Variants in CCDC88A observed in about 807,000 individuals in gnomAD.
CCDC88A encodes coiled-coil and HOOK domain protein 88A.
CCDC88A carries 54 observed loss-of-function variants against 234.3 expected under a neutral mutation model. The ratio of observed to expected loss-of-function variants is 0.23; its 90% CI spans 0.19 to 0.29. The LOEUF is 0.29. Among genes scored for constraint, CCDC88A ranks in the 10% least tolerant of loss-of-function variants. The probability of loss-of-function intolerance (pLI) is 1.00; values close to 1 mark genes in which losing one functional copy is unlikely to be tolerated. For missense variants in CCDC88A, 1,832 were observed against 2,123.4 expected (o/e 0.86, Z 2.70); for synonymous variants, 753 against 737.8 (o/e 1.02, Z -0.33).
rs61703330 is a variant in CCDC88A at position 55,409,738 on chromosome 2, C to CTTTTTTTTTTTTTTTTT, written c.164+9061_164+9077dup. 5.4e-5 allele frequency among the ~76,000 whole-genome samples: 6 copies of CTTTTTTTTTTTTTTTTT among 111,730 alleles called. 2 individuals carry two copies. Among genetic ancestry groups the CTTTTTTTTTTTTTTTTT allele is most frequent in the Non-Finnish European group, 8.5e-5 (5 of 58,910 alleles). The allele number at this position is 111,730 out of a possible 152,430, so 73.3% of individuals were successfully genotyped here. On this transcript the variant is annotated intron_variant, in intron 2 of 32. Coordinates refer to ENST00000436346, the MANE Select transcript of CCDC88A (RefSeq NM_001365480.1). ...CAGGGGGATGTGCCTATATACCTCC[C>CTTTTTTTTTTTTTTTTT]TTTTTTTTTTTTTTTTTTTTTTCAG...
rs1469817612 is a variant in CCDC88A at position 55,413,058 on chromosome 2, A to T, written c.164+5758T>A. 2.0e-5 allele frequency among the ~76,000 whole-genome samples: 3 copies of T among 151,982 alleles called. No individual in the cohort carries two copies. The East Asian group carries it at 5.8e-4, about 29-fold the overall frequency. On this transcript the variant is annotated intron_variant, in intron 2 of 32. Transcript: ENST00000436346. Reference sequence around the variant, plus strand: ...GTCTCTATAAAAAAAATTTTAAAAAATTAGCCAGGTGCAGTAGCACATGCC... The same window carrying T: ...GTCTCTATAAAAAAAATTTTAAAAATTTAGCCAGGTGCAGTAGCACATGCC...
Position 55,378,734 on chromosome 2 carries a change from T to C in CCDC88A, c.274-3851A>G, listed in dbSNP as rs1044610162. 8.8e-5 allele frequency among the ~76,000 whole-genome samples: 11 copies of C among 125,690 alleles called. No individual in the cohort carries two copies. The East Asian group carries it at 1.1e-3, about 13-fold the overall frequency. The allele number at this position is 125,690 out of a possible 152,430, so 82.5% of individuals were successfully genotyped here. ...TTCTTCAGAGGATTTTTTATACACA[T>C]ATACTTTTTTTTTTTTTTTTTTTTT... On this transcript the variant is annotated intron_variant, in intron 3 of 32. Transcript: ENST00000436346.
At chr2:55,356,261 C>G (rs2589103) in intron 7 of CCDC88A, 70,503 of 152,070 alleles carry the variant, frequency 0.46, 17,689 homozygotes, top group East Asian at 0.85. Flanking sequence ...TTGCTTTTCT[C>G]TTCCTGCATT....
intron 22 of CCDC88A, chr2:55,314,613 C>G (rs1682755179): frequency 6.6e-6 from 1 of 152,218 alleles, no homozygotes; most frequent in African/African-American, 2.4e-5. Flanking sequence ...CCATGTTGGC[C>G]AGGTTGGTCT....
At chr2:55,398,097 T>G (rs1677932089) in intron 2 of CCDC88A, among the ~76,000 whole-genome samples, 1 of 152,294 alleles carries the variant, frequency 6.6e-6, no homozygotes, top group Admixed American at 6.5e-5. Flanking sequence ...ATCTTAAAGA[T>G]AGGTGAATGA....
chr2:55,291,901 T>C (rs547869291), intron 31 of CCDC88A, 126 bp from the exon 32 acceptor site: 6 of 605,996 alleles, frequency 9.9e-6, no homozygotes, highest in Admixed American at 3.1e-5. Context: ...GGGAAAATTA[T>C]TAATCTCATA....
chr2:55,407,874 T>C (rs932938767), intron 2 of CCDC88A, among the ~76,000 whole-genome samples: 1 of 147,956 alleles, frequency 6.8e-6, no homozygotes, highest in Non-Finnish European at 1.5e-5. Context: ...CCCACCACCA[T>C]GCCCAGCTAA....
At chr2:55,342,706 A>G (rs746686208) in intron 12 of CCDC88A, among the ~76,000 whole-genome samples, 16 of 152,180 alleles carry the variant, frequency 1.1e-4, no homozygotes, top group Non-Finnish European at 2.2e-4. Context: ...TAGGTTTTCA[A>G]GTATAAAACA....
chr2:55,291,514 C>T, intron 32 of CCDC88A, 162 bp downstream of exon 32: 3 of 398,574 alleles, frequency 7.5e-6, no homozygotes, highest in Non-Finnish European at 1.3e-5. Context: ...AAACCTATGG[C>T]AGCCAACTAA....
intron 6 of CCDC88A, chr2:55,363,517 A>G (rs139301649): frequency 1.3e-5 from 2 of 152,540 alleles, no homozygotes; most frequent in East Asian, 1.9e-4. Flanking sequence ...CAAATCATTA[A>G]TGTGTTTATA....
At position 55,334,050 on chromosome 2, in the gene CCDC88A, A is replaced by C; in HGVS notation, c.2727+44T>G. On this transcript the variant is annotated intron_variant, in intron 15 of 32. Transcript: ENST00000436346. This position sits in a 1 kb window ranked among gnomAD's most constrained non-coding sequence, Gnocchi z 6.1. ...AAAACTTAAAGAAACCTTGAGTTAA[A>C]AATATAAAAAAAAATTTGCCTTAAT... The C allele has an allele frequency of 1.4e-6, 1 of 716,524 alleles. No homozygotes were observed. Among genetic ancestry groups the C allele is most frequent in the Admixed American group, 3.7e-5 (1 of 27,256 alleles). 44.4% of individuals were successfully genotyped at this position (716,524 alleles called of 1,614,324 possible).
In CCDC88A at chr2:55,332,799, G is replaced by T; in HGVS notation, c.2728-106C>A. The stretch of plus-strand genomic sequence containing the variant: ...CACCATCTAGGAATACATGTAATTT[G>T]AACCAGGAAATGTCATTAAACCATT... On this transcript the variant is annotated intron_variant, in intron 15 of 32. Transcript: ENST00000436346. The surrounding 1 kb of genome is among the most constrained non-coding windows in gnomAD (Gnocchi z 4.5). 2 of 939,996 alleles carry T rather than the reference G, an allele frequency of 2.1e-6. No homozygotes were observed. Among genetic ancestry groups the T allele is most frequent in the Non-Finnish European group, 3.2e-6 (2 of 619,604 alleles). The allele number at this position is 939,996 out of a possible 1,614,324, so 58.2% of individuals were successfully genotyped here. A position where few individuals can be genotyped will look rare whatever the true frequency, so the allele number is the denominator to read the frequency against.
intron 25 of CCDC88A, chr2:55,306,114 A>G (rs972995553): frequency 6.6e-6 from 1 of 152,052 alleles, no homozygotes; most frequent in African/African-American, 2.4e-5. Flanking sequence ...ACAGGGTTTC[A>G]CCATGTTGGC....
intron 5 of CCDC88A, among the ~76,000 whole-genome samples, chr2:55,366,534 T>TAC (rs201666406): frequency 0.081 from 10,346 of 127,506 alleles, 374 homozygotes; most frequent in Non-Finnish European, 0.096. Flanking sequence ...CACACACACA[T>TAC]ACACACACAC....
Position 55,290,268 on chromosome 2 carries a change from G to A in CCDC88A, c.*932C>T, listed in dbSNP as rs750530297. ...ATTATAAATGAGTTTCTGGCAAAAT[G>A]CAGATCATAGTAACTTATTTACATT... On this transcript the variant is annotated 3_prime_UTR_variant, in exon 33 of 33. Coordinates refer to ENST00000436346, the MANE Select transcript of CCDC88A (RefSeq NM_001365480.1). 1 of 152,312 alleles carries A rather than the reference G, an allele frequency of 6.6e-6. No homozygotes were observed. The highest frequency in any genetic ancestry group is 2.4e-5 in the African/African-American group (1 of 41,412). 9.4% of individuals were successfully genotyped at this position (152,312 alleles called of 1,614,324 possible). A position where few individuals can be genotyped will look rare whatever the true frequency, so the allele number is the denominator to read the frequency against.
At chr2:55,333,071 C>T (rs1006197582) in intron 15 of CCDC88A, among the ~76,000 whole-genome samples, 2 of 152,160 alleles carry the variant, frequency 1.3e-5, no homozygotes, top group Admixed American at 6.5e-5. Flanking sequence ...AAGATCCCTT[C>T]TCCCAGTGAA....
chr2:55,398,498 C>T (rs1678009791), intron 2 of CCDC88A, among the ~76,000 whole-genome samples: 1 of 151,980 alleles, frequency 6.6e-6, no homozygotes, highest in African/African-American at 2.4e-5. Context: ...TGATGCATGC[C>T]CAGTTTGAGT....
At chr2:55,379,783 C>T (rs1047420522) in intron 3 of CCDC88A, among the ~76,000 whole-genome samples, 1 of 151,978 alleles carries the variant, frequency 6.6e-6, no homozygotes, top group African/African-American at 2.4e-5. Context: ...CGTGGTGGTG[C>T]ATGCCTGTAA....
At chr2:55,408,155 A>T (rs1053247637) in intron 2 of CCDC88A, among the ~76,000 whole-genome samples, 1 of 152,012 alleles carries the variant, frequency 6.6e-6, no homozygotes, top group African/African-American at 2.4e-5. Context: ...TCCACCCATT[A>T]GTACTGTCTA....
Sources: gnomAD v4.1 joint callset for allele counts (sites outside exome capture counted in the v4.1 genomes callset) on GRCh38, gnomAD v4.1.1 for gene constraint, Gnocchi (gnomAD v3.1) non-coding constraint, MANE v1.5 for transcripts, NCBI Gene and HGNC (gene_info 2026-07-23, HGNC 2026-07-21) for gene names.